The following AHNAK variants were observed in gnomAD, a reference collection of about 807,000 sequenced individuals.
AHNAK encodes AHNAK nucleoprotein, also known as neuroblast differentiation-associated protein AHNAK.
In AHNAK, 23 loss-of-function variants were observed where a neutral mutation model predicts 37.8. The ratio of observed to expected loss-of-function variants is 0.61; its 90% CI spans 0.44 to 0.86. The LOEUF (loss-of-function observed/expected upper bound fraction) is 0.86, where lower values mean the gene tolerates loss of function less well. AHNAK is among the 40% of genes least tolerant of loss of function. The probability of loss-of-function intolerance (pLI) is 0.00; values close to 1 mark genes in which losing one functional copy is unlikely to be tolerated. For synonymous variants in AHNAK, 2,481 were observed against 2,636.3 expected, an observed-to-expected ratio of 0.94 and a Z score of 1.80; for missense variants, 7,411 against 7,319.4, an observed-to-expected ratio of 1.01 and a Z score of -0.46.
rs775936508 is a variant in AHNAK, at chr11:62,523,284, T to G, written c.11133A>C (p.Lys3711Asn). The G allele has an allele frequency of 2.5e-6, 4 of 1,614,108 alleles. No homozygotes were observed. The highest frequency in any genetic ancestry group is 1.7e-5 in the Admixed American group (1 of 60,014). The change falls in exon 5 of 5, where the codon AAA (lysine) becomes AAC (asparagine). Residue 3711 changes from lysine (K) to asparagine (N), a missense_variant. Transcript: ENST00000378024. ...KGPEVDIKGP[K>N]VDIDTPDINI... ...TAATGTCAGGAGTGTCAATGTCCACTTTGGGGCCCTTGATGTCCACCTCAG... is the reference window on the plus strand; with the variant it reads ...TAATGTCAGGAGTGTCAATGTCCACGTTGGGGCCCTTGATGTCCACCTCAG...
At chr11:62,490,782 ATTGTT>A (rs1352474017) in intron 5 of AHNAK, among the ~76,000 whole-genome samples, 2 of 151,308 alleles carry the variant, frequency 1.3e-5, no homozygotes, top group Non-Finnish European at 2.9e-5. Context: ...ATTTTTGTTT[ATTGTT>A]TTGTTTTGTT....
intron 5 of AHNAK, among the ~76,000 whole-genome samples, chr11:62,465,716 T>A (rs1938898417): frequency 6.6e-6 from 1 of 152,098 alleles, no homozygotes; most frequent in South Asian, 2.1e-4. Flanking sequence ...ACTGGTGTCC[T>A]TATAAGAGGA....
Position 62,517,140 on chromosome 11 carries a change from G to A in AHNAK, c.17277C>T (p.Ala5759=), listed in dbSNP as rs770877377. 140 of 1,612,672 alleles carry A rather than the reference G, an allele frequency of 8.7e-5. 1 individual carries two copies. Among genetic ancestry groups the A allele is most frequent in the Non-Finnish European group, 1.0e-4 (123 of 1,179,846 alleles). Residue 5759 remains alanine (A), a synonymous_variant, in exon 5 of 5, where the codon GCC becomes GCT. Transcript: ENST00000378024. The stretch of plus-strand genomic sequence containing the variant: ...ATTTGCCTTTCGGTGAAGAGGCTTC[G>A]GCCTCTGCCTCTCCTTCCAGAGAGC... The part of the protein sequence containing the change: ...SLGSLEGEAE[A]EASSPKGKFS...
intron 5 of AHNAK, among the ~76,000 whole-genome samples, chr11:62,445,223 T>C (rs1042614917): frequency 2.0e-5 from 3 of 152,196 alleles, no homozygotes; most frequent in Non-Finnish European, 2.9e-5. Context: ...TACAGAGCTA[T>C]TGTCAATCAA....
chr11:62,521,222 C>T lies in AHNAK; in HGVS notation c.13195G>A (p.Val4399Met). 1.2e-6 allele frequency: 2 copies of T among 1,614,006 alleles called. No homozygotes were observed. The highest frequency in any genetic ancestry group is 1.7e-6 in the Non-Finnish European group (2 of 1,180,004). ...DIDFNLKGPK[V>M]KGDVDVSLPK... Reference sequence around the variant, plus strand: ...AGAGAGACATCCACATCACCTTTCACTTTGGGACCCTTCAAGTTAAAGTCA... The same window carrying T: ...AGAGAGACATCCACATCACCTTTCATTTTGGGACCCTTCAAGTTAAAGTCA... The change falls in exon 5 of 5, where the codon GTG becomes ATG. Residue 4399 changes from valine to methionine, a missense_variant. Physicochemically the swap from Val to Met is conservative, Grantham distance 21. Transcript: ENST00000378024.
intron 5 of AHNAK, among the ~76,000 whole-genome samples, chr11:62,464,807 G>A (rs923468766): frequency 1.3e-5 from 2 of 152,120 alleles, no homozygotes; most frequent in Non-Finnish European, 2.9e-5. Flanking sequence ...CTCCAGCCTG[G>A]GCGACAGAGG....
chr11:62,520,608 T>C lies in AHNAK; in HGVS notation c.13809A>G (p.Lys4603=). 1 of 1,614,088 alleles carries C rather than the reference T, an allele frequency of 6.2e-7. No individual in the cohort carries two copies. The highest frequency in any genetic ancestry group is 8.5e-7 in the Non-Finnish European group (1 of 1,180,012). Residue 4603 remains lysine, a synonymous_variant, in exon 5 of 5, where the codon AAA becomes AAG. Transcript: ENST00000378024. Reference sequence around the variant, plus strand: ...CCATGTCGCCCTTCACCTTTGGACCTTTCAGATTCAGGTCAACTTCAGGCA... The same window carrying C: ...CCATGTCGCCCTTCACCTTTGGACCCTTCAGATTCAGGTCAACTTCAGGCA... ...ISMPEVDLNL[K]GPKVKGDMDI...
downstream of AHNAK, among the ~76,000 whole-genome samples, chr11:62,513,496 T>C (rs1239773510): frequency 6.6e-6 from 1 of 151,162 alleles, no homozygotes; most frequent in African/African-American, 2.4e-5. Context: ...ATTCACACCA[T>C]TGCACTCCAG....
chr11:62,482,830 G>A (rs535234687), intron 5 of AHNAK, among the ~76,000 whole-genome samples: 5 of 152,236 alleles, frequency 3.3e-5, no homozygotes, highest in African/African-American at 1.2e-4. Flanking sequence ...TCGTAGCATC[G>A]ATAAGCAATA....
In AHNAK at chr11:62,492,706, CAAAAAAT is replaced by C. The variant is rs942470078; in HGVS notation, c.343-882_343-876del. 1.3e-4 allele frequency among the ~76,000 whole-genome samples: 19 copies of C among 151,750 alleles called. 1 individual carries two copies. Among genetic ancestry groups the C allele is most frequent in the Non-Finnish European group, 2.4e-4 (16 of 67,966 alleles). On this transcript the variant is annotated intron_variant, in intron 4 of 5. Transcript: ENST00000257247. ...CAATATAGTGAGACCCCCACCTCTA[CAAAAAAT>C]AAAAAATAAACAAAATTAGCCAGGT...
At chr11:62,543,692 T>C (rs2134272076) in intron 1 of AHNAK, among the ~76,000 whole-genome samples, 1 of 152,322 alleles carries the variant, frequency 6.6e-6, no homozygotes, top group Admixed American at 6.5e-5. Flanking sequence ...CAGGAAGCCT[T>C]GGGAGTCCCA....
intron 5 of AHNAK, among the ~76,000 whole-genome samples, chr11:62,473,240 C>A (rs965117076): frequency 1.4e-5 from 2 of 147,154 alleles, no homozygotes; most frequent in Admixed American, 6.9e-5. Flanking sequence ...ACTAAAGACA[C>A]AAAAAAATTA....
Position 62,523,715 on chromosome 11 carries a change from G to A in AHNAK, c.10702C>T (p.Leu3568Phe), listed in dbSNP as rs756052494. 4 of 1,612,752 alleles carry A rather than the reference G, an allele frequency of 2.5e-6. No individual in the cohort carries two copies. In the African/African-American group the frequency reaches 5.4e-5, roughly 22 times the overall value. The change falls in exon 5 of 5, where the codon CTT becomes TTT. Residue 3568 changes from leucine (L) to phenylalanine (F), a missense_variant. By Grantham distance (22) the Leu-to-Phe change is conservative. Transcript: ENST00000378024. The stretch of plus-strand genomic sequence containing the variant: ...TCTGGCCCTTTCAGATCCCCTTCAA[G>A]TTTGGGAAGAGAAATATCCACATCA... ...KGDVDISLPK[L>F]EGDLKGPEVD...
chr11:62,486,982 C>T (rs1001381216), intron 5 of AHNAK, among the ~76,000 whole-genome samples: 5 of 151,884 alleles, frequency 3.3e-5, no homozygotes, highest in African/African-American at 7.3e-5. Context: ...TCCAAATAGA[C>T]GCCTATTCCA....
At chr11:62,460,326 G>A (rs1255086648) in intron 5 of AHNAK, among the ~76,000 whole-genome samples, 1 of 152,058 alleles carries the variant, frequency 6.6e-6, no homozygotes, top group Admixed American at 6.6e-5. Context: ...CCGGAGACAC[G>A]CTGCATCTGA....
At position 62,531,125 on chromosome 11, in the gene AHNAK, C is replaced by G. The variant is rs79639272; in HGVS notation, c.3292G>C (p.Val1098Leu). Residue 1098 changes from valine (V) to leucine (L), a missense_variant, in exon 5 of 5, where the codon GTT (valine) becomes CTT (leucine). Transcript: ENST00000378024. Reference protein sequence around the residue: ...SAPKIEGEMQVPDVDIRGPKV... With the variant: ...SAPKIEGEMQLPDVDIRGPKV... ...GGACCTCTGATGTCCACATCTGGAACCTGCATTTCACCCTCTATCTTTGGT... is the reference window on the plus strand; with the variant it reads ...GGACCTCTGATGTCCACATCTGGAAGCTGCATTTCACCCTCTATCTTTGGT... 45 of 1,614,034 alleles carry G rather than the reference C, an allele frequency of 2.8e-5. 1 individual carries two copies. Among genetic ancestry groups the G allele is most frequent in the Non-Finnish European group, 3.6e-5 (43 of 1,180,038 alleles).
chr11:62,456,854 G>C (rs1031745293), intron 5 of AHNAK, among the ~76,000 whole-genome samples: 1 of 152,132 alleles, frequency 6.6e-6, no homozygotes, highest in African/African-American at 2.4e-5. Flanking sequence ...TCTTCTCCTA[G>C]GGATGCCTCC....
chr11:62,478,992 C>T (rs2134865977), intron 5 of AHNAK, among the ~76,000 whole-genome samples: 1 of 152,130 alleles, frequency 6.6e-6, no homozygotes, highest in East Asian at 1.9e-4. Flanking sequence ...TCTCCTGCCT[C>T]AGCCTCCTGA....
At chr11:62,545,111 G>C (rs904568916) in intron 1 of AHNAK, among the ~76,000 whole-genome samples, 7 of 152,168 alleles carry the variant, frequency 4.6e-5, no homozygotes, top group African/African-American at 1.7e-4. Flanking sequence ...GACTTGGGAG[G>C]CTCCCACACT....
Sources: allele counts gnomAD v4.1 joint callset (sites outside exome capture counted in the v4.1 genomes callset), GRCh38; gene constraint gnomAD v4.1.1; transcripts MANE v1.5; gene names NCBI Gene and HGNC (gene_info 2026-07-23, HGNC 2026-07-21).